SYNCRIP: variants seen among roughly 807,000 people sequenced by gnomAD.
SYNCRIP encodes synaptotagmin binding cytoplasmic RNA interacting protein.
A neutral mutation model predicts 68.9 loss-of-function variants in SYNCRIP; 9 were observed. The observed-to-expected ratio is 0.13, with a 90% confidence interval of 0.08 to 0.23. The LOEUF is 0.23. Ranked by LOEUF, SYNCRIP falls within the 10% of genes least tolerant of loss-of-function variation. The pLI, the probability that SYNCRIP is intolerant of heterozygous loss-of-function variation, is 1.00. For synonymous variants in SYNCRIP, 258 were observed against 254.0 expected (o/e 1.02, Z -0.15); for missense variants, 414 against 770.6 (o/e 0.54, Z 5.48).
intron 8 of SYNCRIP, among the ~76,000 whole-genome samples, chr6:85,621,048 A>C (rs1319509169): frequency 6.6e-6 from 1 of 152,240 alleles, no homozygotes; most frequent in Admixed American, 6.5e-5. Context: ...AAAGCTTCTC[A>C]AAGTAAAATT....
At chr6:85,639,915 CAACTGTCAAT>C (rs1286908520) in intron 4 of SYNCRIP, among the ~76,000 whole-genome samples, 9 of 151,762 alleles carry the variant, frequency 5.9e-5, no homozygotes, top group Non-Finnish European at 8.8e-5. Flanking sequence ...ATCAGTATTT[CAACTGTCAAT>C]AAGCTGGCTT....
rs774805272 is a variant in SYNCRIP, at chr6:85,636,948, G to A, written c.666+19C>T. ...AGACAGTGAACGTGAAAACTGAAGG[G>A]GAAAAAAGGACAACTTACCAGTTTA... On this transcript the variant is annotated intron_variant, in intron 6 of 10. Transcript: ENST00000369622. 1.3e-6 allele frequency: 2 copies of A among 1,568,302 alleles called. No individual in the cohort carries two copies. The highest frequency in any genetic ancestry group is 1.7e-6 in the Non-Finnish European group (2 of 1,161,570).
chr6:85,612,853 T>C (rs892667889), downstream of SYNCRIP: 6 of 1,549,480 alleles, frequency 3.9e-6, no homozygotes, highest in African/African-American at 8.2e-5. Flanking sequence ...TGCAAGCTTC[T>C]GGTGTAATCC....
chr6:85,642,387 C>T (rs904208250), intron 1 of SYNCRIP, among the ~76,000 whole-genome samples: 3 of 152,178 alleles, frequency 2.0e-5, no homozygotes, highest in Non-Finnish European at 4.4e-5. Context: ...AACCCAGCAG[C>T]GTGAGGGCGT....
chr6:85,629,780 C>T (rs1346719709), intron 6 of SYNCRIP, among the ~76,000 whole-genome samples: 1 of 151,900 alleles, frequency 6.6e-6, no homozygotes. Context: ...CGAGATCATG[C>T]CACTGCAATC....
intron 6 of SYNCRIP, among the ~76,000 whole-genome samples, chr6:85,636,395 G>A (rs999409002): frequency 8.6e-5 from 13 of 151,298 alleles, no homozygotes; most frequent in African/African-American, 3.2e-4. Flanking sequence ...GCAGTGAGCC[G>A]AAATCATGCC....
intron 8 of SYNCRIP, among the ~76,000 whole-genome samples, chr6:85,621,946 A>G (rs998112269): frequency 2.0e-5 from 3 of 152,238 alleles, no homozygotes; most frequent in African/African-American, 7.2e-5. Context: ...TGTGATGGCT[A>G]TACAATTATG....
chr6:85,621,795 T>G (rs764204560), intron 8 of SYNCRIP, among the ~76,000 whole-genome samples: 2 of 152,056 alleles, frequency 1.3e-5, no homozygotes, highest in Non-Finnish European at 2.9e-5. Flanking sequence ...CCAGTATAAT[T>G]TACTGTTTTT....
At chr6:85,639,116 G>A (rs1290324232) in intron 4 of SYNCRIP, among the ~76,000 whole-genome samples, 1 of 152,132 alleles carries the variant, frequency 6.6e-6, no homozygotes, top group East Asian at 1.9e-4. Flanking sequence ...GCTGAGGCAG[G>A]AGAATTGCTC....
At chr6:85,637,397 G>T in intron 4 of SYNCRIP, 41 bp from the exon 5 acceptor site, 1 of 1,261,406 alleles carries the variant, frequency 7.9e-7, no homozygotes, top group South Asian at 1.3e-5. Context: ...TAATTCACTA[G>T]ACCACACCCA....
chr6:85,637,222 A>G (rs772739743), intron 5 of SYNCRIP, 21 bp downstream of exon 5: 11 of 1,609,806 alleles, frequency 6.8e-6, no homozygotes, highest in South Asian at 2.2e-5. Context: ...TACAAAAGGT[A>G]CAAGTTTTTA....
At chr6:85,630,177 C>T (rs1255240252) in intron 6 of SYNCRIP, among the ~76,000 whole-genome samples, 3 of 151,676 alleles carry the variant, frequency 2.0e-5, no homozygotes, top group Admixed American at 2.0e-4. Context: ...CTGGCTAACA[C>T]GGTGAAACCC....
Position 85,614,817 on chromosome 6 carries a change from T to G in SYNCRIP, c.1811A>C (p.Tyr604Ser). ...CTCCTGGTTTTCAGATTTGTAACCA[T>G]AGTTACCAGAATGATCACCACCTTG... ...PLQGGDHSGN[Y>S]GYKSENQEFY... Residue 604 changes from tyrosine (Y) to serine (S), a missense_variant, in exon 11 of 11, where the codon TAT (tyrosine) becomes TCT (serine). Coordinates refer to ENST00000369622, the MANE Select transcript of SYNCRIP (RefSeq NM_006372.5). 6.2e-7 allele frequency: 1 copy of G among 1,613,410 alleles called. No individual in the cohort carries two copies.
At position 85,614,244 on chromosome 6, in the gene SYNCRIP, AAAC is replaced by A. The variant is rs1430573485; in HGVS notation, c.*509_*511del. The A allele has an allele frequency of 4.1e-6, 4 of 985,430 alleles. No individual in the cohort carries two copies. Among genetic ancestry groups the A allele is most frequent in the Non-Finnish European group, 1.2e-6 (1 of 829,618 alleles). 61.0% of individuals were successfully genotyped at this position (985,430 alleles called of 1,614,324 possible). A position where few individuals can be genotyped will look rare whatever the true frequency, so the allele number is the denominator to read the frequency against. On this transcript the variant is annotated 3_prime_UTR_variant, in exon 11 of 11. Coordinates refer to ENST00000369622, the MANE Select transcript of SYNCRIP (RefSeq NM_006372.5). Reference sequence around the variant, plus strand: ...TTAGGTGTGAATTTTTTATTGAAATAAACAACAGCATAAAGAATACAAGTAGCC... The same window carrying A: ...TTAGGTGTGAATTTTTTATTGAAATAAACAGCATAAAGAATACAAGTAGCC...
intron 10 of SYNCRIP, 25 bp from the exon 11 acceptor site, chr6:85,615,372 G>C (rs1363539687): frequency 7.1e-7 from 1 of 1,418,348 alleles, no homozygotes. Context: ...ACAGAGATTA[G>C]AGTTTAAATC....
At chr6:85,622,765 A>C in intron 7 of SYNCRIP, 78 bp from the exon 8 acceptor site, 1 of 1,111,900 alleles carries the variant, frequency 9.0e-7, no homozygotes, top group Non-Finnish European at 1.3e-6. Flanking sequence ...TTTATCTAAG[A>C]TACTACTTAA....
At chr6:85,633,969 A>G (rs1007414068) in intron 6 of SYNCRIP, among the ~76,000 whole-genome samples, 1 of 152,220 alleles carries the variant, frequency 6.6e-6, no homozygotes, top group Non-Finnish European at 1.5e-5. Context: ...CCTATTAATT[A>G]GATAGTACAA....
chr6:85,615,699 G>C (rs745354662), intron 10 of SYNCRIP, among the ~76,000 whole-genome samples: 2 of 152,170 alleles, frequency 1.3e-5, no homozygotes, highest in Non-Finnish European at 1.5e-5. Flanking sequence ...CCAGCTATGC[G>C]GGAGGCTGAG....
At chr6:85,627,362 AAAGT>A (rs934407889) in intron 6 of SYNCRIP, among the ~76,000 whole-genome samples, 15 of 152,132 alleles carry the variant, frequency 9.9e-5, no homozygotes, top group African/African-American at 2.7e-4. Context: ...TTAAGCGAAC[AAAGT>A]AAGGAGACTC....
Sources: gnomAD v4.1 joint callset for allele counts (sites outside exome capture counted in the v4.1 genomes callset) on GRCh38, gnomAD v4.1.1 for gene constraint, MANE v1.5 for transcripts, NCBI Gene and HGNC (gene_info 2026-07-23, HGNC 2026-07-21) for gene names.